BCKDHB: variants seen among roughly 807,000 people sequenced by gnomAD.
BCKDHB encodes the protein 2-oxoisovalerate dehydrogenase subunit beta, mitochondrial.
Under a neutral mutation model 48.5 loss-of-function variants are expected in BCKDHB, and 41 were observed. The observed-to-expected ratio is 0.85, with a 90% CI of 0.66 to 1.10. The LOEUF is 1.10. BCKDHB is among the 50% of genes least tolerant of loss of function. The pLI, the probability that BCKDHB is intolerant of heterozygous loss-of-function variation, is 0.00. For synonymous variants in BCKDHB, 201 were observed against 174.8 expected, an observed-to-expected ratio of 1.15 and a Z score of -1.18; for missense variants, 496 against 494.2, an observed-to-expected ratio of 1.00 and a Z score of -0.03.
chr6:80,405,979 C>T, the BCKDHB span, among the ~76,000 whole-genome samples: 1 of 152,066 alleles, frequency 6.6e-6, no homozygotes, highest in African/African-American at 2.4e-5. Context: ...CTCCTCCAGG[C>T]CCCCGCCCCC....
chr6:80,335,497 G>T (rs952282802), intron 9 of BCKDHB, among the ~76,000 whole-genome samples: 1 of 152,018 alleles, frequency 6.6e-6, no homozygotes, highest in Non-Finnish European at 1.5e-5. Flanking sequence ...AGAAGCTTCA[G>T]CGTCTGTGGA....
intron 3 of BCKDHB, among the ~76,000 whole-genome samples, chr6:80,146,171 A>G (rs1163583065): frequency 2.0e-5 from 3 of 152,102 alleles, no homozygotes; most frequent in Admixed American, 1.3e-4. Flanking sequence ...AAGTGATTCA[A>G]ATGTGCGGCC....
intron 8 of BCKDHB, among the ~76,000 whole-genome samples, chr6:80,258,014 G>A (rs944443577): frequency 6.6e-6 from 1 of 151,642 alleles, no homozygotes; most frequent in Non-Finnish European, 1.5e-5. Context: ...TATAAATCAG[G>A]ACATGAATTG....
intron 8 of BCKDHB, 41 bp from the exon 9 acceptor site, chr6:80,273,094 A>C: frequency 1.4e-6 from 2 of 1,434,050 alleles, no homozygotes; most frequent in Non-Finnish European, 2.0e-6. Flanking sequence ...TATATAAAAT[A>C]GATATTCTTT....
chr6:80,380,424 A>C, the BCKDHB span, among the ~76,000 whole-genome samples: 256 of 151,960 alleles, frequency 1.7e-3, 1 homozygote, highest in Non-Finnish European at 3.1e-3. Context: ...TTACTATATA[A>C]AAAAATTAAC....
At chr6:80,132,227 G>A (rs551591175) in intron 3 of BCKDHB, among the ~76,000 whole-genome samples, 32 of 151,692 alleles carry the variant, frequency 2.1e-4, no homozygotes, top group South Asian at 1.5e-3. Context: ...AAACTCTTCC[G>A]GACCCTCCAA....
At chr6:80,412,070 T>C in the BCKDHB span, among the ~76,000 whole-genome samples, 1 of 152,172 alleles carries the variant, frequency 6.6e-6, no homozygotes, top group Non-Finnish European at 1.5e-5. Context: ...ACCGGAGCTC[T>C]TCCTATTTGG....
At chr6:80,396,542 G>A in the BCKDHB span, among the ~76,000 whole-genome samples, 1 of 152,118 alleles carries the variant, frequency 6.6e-6, no homozygotes. Flanking sequence ...AGGGATTGGG[G>A]TTGAATAATA....
At chr6:80,137,062 A>G (rs1232368614) in intron 3 of BCKDHB, among the ~76,000 whole-genome samples, 1 of 152,166 alleles carries the variant, frequency 6.6e-6, no homozygotes, top group Non-Finnish European at 1.5e-5. Flanking sequence ...TTCCTCAAAA[A>G]ATTAGAATTT....
At chr6:80,137,931 T>TA (rs112757019) in intron 3 of BCKDHB, among the ~76,000 whole-genome samples, 1,842 of 144,720 alleles carry the variant, frequency 0.013, 34 homozygotes, top group African/African-American at 0.042. Context: ...TACAAAAAAT[T>TA]AAAAAAAAAA....
intron 6 of BCKDHB, among the ~76,000 whole-genome samples, chr6:80,196,923 GATTTCTTATTTTTCTGA>G (rs1348079924): frequency 6.6e-6 from 1 of 152,140 alleles, no homozygotes; most frequent in East Asian, 1.9e-4. Context: ...GCCTTGAAAA[GATTTCTTATTTTTCTGA>G]GTTGTTCATT....
chr6:80,423,279 C>T, the BCKDHB span, among the ~76,000 whole-genome samples: 1 of 152,150 alleles, frequency 6.6e-6, no homozygotes, highest in Non-Finnish European at 1.5e-5. Context: ...CCTCCTCAGC[C>T]ATGTGAAACT....
chr6:80,183,191 G>C (rs1269609594), intron 6 of BCKDHB, among the ~76,000 whole-genome samples: 1 of 152,016 alleles, frequency 6.6e-6, no homozygotes, highest in Non-Finnish European at 1.5e-5. Context: ...ATTTAGCCCT[G>C]AGTAATGCAT....
the BCKDHB span, among the ~76,000 whole-genome samples, chr6:80,387,438 T>G: frequency 1.3e-5 from 2 of 152,188 alleles, no homozygotes; most frequent in Non-Finnish European, 2.9e-5. Context: ...ATCAAGGACT[T>G]GAAAGATGCA....
intron 6 of BCKDHB, among the ~76,000 whole-genome samples, chr6:80,190,610 A>G (rs1363421997): frequency 6.6e-6 from 1 of 152,188 alleles, no homozygotes; most frequent in Non-Finnish European, 1.5e-5. Flanking sequence ...GAAAGGGCTC[A>G]CTAAATATTA....
chr6:80,379,075 C>G, the BCKDHB span, among the ~76,000 whole-genome samples: 17 of 152,016 alleles, frequency 1.1e-4, no homozygotes, highest in African/African-American at 4.1e-4. Flanking sequence ...GTAGGGATGT[C>G]TCCCTAACTC....
At chr6:80,118,541 C>A (rs1396532736) in intron 1 of BCKDHB, among the ~76,000 whole-genome samples, 1 of 151,548 alleles carries the variant, frequency 6.6e-6, no homozygotes, top group African/African-American at 2.4e-5. Context: ...AAAAAGACAA[C>A]AATGAAGTTT....
chr6:80,178,987 C>G (rs779962837), intron 6 of BCKDHB, among the ~76,000 whole-genome samples: 9 of 152,094 alleles, frequency 5.9e-5, no homozygotes, highest in Non-Finnish European at 1.3e-4. Context: ...AAATAGCTGT[C>G]TAGTTTTTAA....
chr6:80,281,864 A>G (rs1453904819), intron 9 of BCKDHB, among the ~76,000 whole-genome samples: 4 of 151,556 alleles, frequency 2.6e-5, no homozygotes, highest in Admixed American at 1.3e-4. Context: ...TGAACTTAGA[A>G]AAAAAAAAGA....
Sources: allele counts gnomAD v4.1 joint callset (sites outside exome capture counted in the v4.1 genomes callset), GRCh38; gene constraint gnomAD v4.1.1; transcripts MANE v1.5; gene names NCBI Gene and HGNC (gene_info 2026-07-23, HGNC 2026-07-21).